Variants in ANKS1B observed in about 807,000 individuals in gnomAD.
The protein encoded by ANKS1B is ankyrin repeat and sterile alpha motif domain-containing protein 1B.
In ANKS1B, 36 loss-of-function variants were observed where a neutral mutation model predicts 148.3. The observed-to-expected ratio is 0.24, with a 90% CI of 0.19 to 0.32. The LOEUF is 0.32. ANKS1B is among the 10% of genes least tolerant of loss of function. ANKS1B has a pLI of 1.00. For missense variants in ANKS1B, 1,157 were observed against 1,542.6 expected (o/e 0.75, Z 4.19); for synonymous variants, 542 against 560.8 (o/e 0.97, Z 0.47).
chr12:99,576,977 A>G (rs908720318), intron 9 of ANKS1B, among the ~76,000 whole-genome samples: 1 of 151,994 alleles, frequency 6.6e-6, no homozygotes, highest in Non-Finnish European at 1.5e-5. Context: ...TTATAGCACT[A>G]GAAACCTACA....
chr12:99,608,915 T>C (rs1016133817), intron 9 of ANKS1B, among the ~76,000 whole-genome samples: 1 of 151,902 alleles, frequency 6.6e-6, no homozygotes. Flanking sequence ...GAATGGAAGA[T>C]AGACGGTGGC....
chr12:99,121,983 T>C (rs979317294), intron 15 of ANKS1B, among the ~76,000 whole-genome samples: 6 of 152,176 alleles, frequency 3.9e-5, no homozygotes, highest in African/African-American at 1.4e-4. Flanking sequence ...CTCTGGATTC[T>C]GCAGGCAAGT....
At chr12:99,356,572 T>C (rs1372814763) in intron 12 of ANKS1B, among the ~76,000 whole-genome samples, 1 of 152,128 alleles carries the variant, frequency 6.6e-6, no homozygotes, top group Non-Finnish European at 1.5e-5. Flanking sequence ...CTCATCTCCA[T>C]TTTTGCAGAA....
chr12:99,606,811 T>C (rs1212481557), intron 9 of ANKS1B, among the ~76,000 whole-genome samples: 1 of 152,092 alleles, frequency 6.6e-6, no homozygotes, highest in Non-Finnish European at 1.5e-5. Flanking sequence ...GGAAACAGGC[T>C]ATTCATCATC....
intron 19 of ANKS1B, among the ~76,000 whole-genome samples, chr12:98,825,901 A>G (rs930175904): frequency 1.3e-5 from 2 of 152,246 alleles, no homozygotes; most frequent in East Asian, 3.8e-4. Flanking sequence ...ACACACATTA[A>G]TAGTGTGTAG....
intron 12 of ANKS1B, among the ~76,000 whole-genome samples, chr12:99,371,061 C>T (rs2093104377): frequency 6.6e-6 from 1 of 151,852 alleles, no homozygotes; most frequent in African/African-American, 2.4e-5. Flanking sequence ...AATCATGGGA[C>T]AGTTTCTGGT....
At chr12:99,668,932 A>G (rs1334756076) in intron 8 of ANKS1B, among the ~76,000 whole-genome samples, 2 of 151,828 alleles carry the variant, frequency 1.3e-5, no homozygotes, top group African/African-American at 4.8e-5. Context: ...TATTGCATCT[A>G]CTTTATTTTT....
chr12:98,858,737 A>G (rs1158237111), intron 17 of ANKS1B, among the ~76,000 whole-genome samples: 1 of 152,130 alleles, frequency 6.6e-6, no homozygotes, highest in Admixed American at 6.6e-5. Context: ...CCCTCACTCC[A>G]TGGGCAATAA....
chr12:99,164,025 C>A (rs2076960579), intron 14 of ANKS1B, among the ~76,000 whole-genome samples: 1 of 152,160 alleles, frequency 6.6e-6, no homozygotes, highest in African/African-American at 2.4e-5. Context: ...GTATTTCCCT[C>A]ATGGCTTACT....
chr12:99,137,437 T>C (rs2068520180), intron 15 of ANKS1B, among the ~76,000 whole-genome samples: 1 of 152,092 alleles, frequency 6.6e-6, no homozygotes, highest in Admixed American at 6.5e-5. Flanking sequence ...GCAATGTCCT[T>C]TCCTCAAAGT....
At chr12:98,763,942 T>C (rs902405525) in intron 25 of ANKS1B, among the ~76,000 whole-genome samples, 1 of 152,224 alleles carries the variant, frequency 6.6e-6, no homozygotes, top group African/African-American at 2.4e-5. Flanking sequence ...ACTTGCTTTC[T>C]TATATTAATA....
intron 14 of ANKS1B, among the ~76,000 whole-genome samples, chr12:99,218,489 G>A (rs1339793361): frequency 1.3e-5 from 2 of 152,184 alleles, no homozygotes; most frequent in African/African-American, 4.8e-5. Flanking sequence ...AAGGAGGCAA[G>A]CTAAGTTCCA....
chr12:99,176,739 C>T (rs998968415), intron 14 of ANKS1B, among the ~76,000 whole-genome samples: 7 of 152,002 alleles, frequency 4.6e-5, no homozygotes, highest in African/African-American at 1.7e-4. Context: ...GTGTCTGGCA[C>T]CTCCTCCTAA....
chr12:98,782,928 G>A (rs2098751768), intron 22 of ANKS1B, among the ~76,000 whole-genome samples: 1 of 152,222 alleles, frequency 6.6e-6, no homozygotes, highest in Non-Finnish European at 1.5e-5. Context: ...ATCAAAGGCA[G>A]GCTAGAAGAA....
chr12:98,766,648 C>A (rs1178591176), intron 25 of ANKS1B, among the ~76,000 whole-genome samples: 3 of 152,178 alleles, frequency 2.0e-5, no homozygotes, highest in Non-Finnish European at 4.4e-5. Flanking sequence ...ATTCAATTGT[C>A]AGAGGTGAAC....
At chr12:99,369,059 CCA>C (rs755585409) in intron 12 of ANKS1B, among the ~76,000 whole-genome samples, 24 of 152,076 alleles carry the variant, frequency 1.6e-4, no homozygotes, top group Non-Finnish European at 3.2e-4. Context: ...TTCATTTACC[CCA>C]CAGTTTACTT....
At chr12:98,925,437 T>C (rs2099806785) in intron 17 of ANKS1B, among the ~76,000 whole-genome samples, 1 of 152,214 alleles carries the variant, frequency 6.6e-6, no homozygotes, top group African/African-American at 2.4e-5. Context: ...ATCCCATCTC[T>C]AGGTTTATGA....
intron 1 of ANKS1B, among the ~76,000 whole-genome samples, chr12:99,942,349 T>C (rs569580844): frequency 1.3e-5 from 2 of 152,256 alleles, no homozygotes; most frequent in South Asian, 2.1e-4. Flanking sequence ...AAAAGAAATG[T>C]ATTAGTGATA....
At chr12:99,748,485 T>C (rs920432638) in intron 8 of ANKS1B, among the ~76,000 whole-genome samples, 5 of 151,974 alleles carry the variant, frequency 3.3e-5, no homozygotes, top group African/African-American at 7.2e-5. Flanking sequence ...CATAAAAAAA[T>C]AGAAAACATT....
Sources: allele counts gnomAD v4.1 joint callset (sites outside exome capture counted in the v4.1 genomes callset), GRCh38; gene constraint gnomAD v4.1.1; transcripts MANE v1.5; gene names NCBI Gene and HGNC (gene_info 2026-07-23, HGNC 2026-07-21).